Variants in TXNL4A observed in about 807,000 individuals in gnomAD.
TXNL4A encodes thioredoxin-like protein 4A.
A neutral mutation model predicts 14.6 loss-of-function variants in TXNL4A; 17 were observed. The observed-to-expected ratio is 1.16, with a 90% CI of 0.80 to 1.74. TXNL4A has a LOEUF of 1.74. Ranked by LOEUF, TXNL4A falls within the 40% of genes most tolerant of loss-of-function variation. The probability of loss-of-function intolerance (pLI) is 0.00; values close to 1 mark genes in which losing one functional copy is unlikely to be tolerated. For missense variants in TXNL4A, 74 were observed against 195.2 expected (o/e 0.38, Z 3.70); for synonymous variants, 83 against 70.6 (o/e 1.18, Z -0.88).
At chr18:80,026,858 G>C (rs1268166861) in intron 1 of TXNL4A, among the ~76,000 whole-genome samples, 1 of 152,090 alleles carries the variant, frequency 6.6e-6, no homozygotes, top group Non-Finnish European at 1.5e-5. Context: ...ATTGGAACCA[G>C]AGGACCAAAA....
intron 1 of TXNL4A, among the ~76,000 whole-genome samples, chr18:79,987,027 G>A (rs2051560899): frequency 6.6e-6 from 1 of 152,156 alleles, no homozygotes. Flanking sequence ...AGGAGGAAGA[G>A]GCTGCGAGAT....
In TXNL4A at chr18:80,020,458, G is replaced by C. The variant is rs552223752; in HGVS notation, c.-61+13393C>G. Among the ~76,000 whole-genome samples the C allele has an allele frequency of 3.9e-5, 6 of 152,294 alleles. No individual in the cohort carries two copies. In the South Asian group the frequency reaches 1.2e-3, roughly 32 times the overall value. Reference sequence around the variant, plus strand: ...TATTCCTCATGGCTAACTCAACCATGCAACTGCAACTGCTCAGAGGCAAGC... The same window carrying C: ...TATTCCTCATGGCTAACTCAACCATCCAACTGCAACTGCTCAGAGGCAAGC... On this transcript the variant is annotated intron_variant, in intron 1 of 2. Coordinates refer to the TXNL4A transcript ENST00000585474.
At position 79,982,405 on chromosome 18, in the gene TXNL4A, C is replaced by G. The variant is rs1056890517; in HGVS notation, c.154-4704G>C. Among the ~76,000 whole-genome samples, 3 of 152,172 alleles carry G rather than the reference C, an allele frequency of 2.0e-5. No homozygotes were observed. Among genetic ancestry groups the G allele is most frequent in the African/African-American group, 7.2e-5 (3 of 41,438 alleles). ...AAAGGCCCTCCAGGTAGCGACTGGC[C>G]TGGAGCTGTACAATGGAGTCTGGGC... On this transcript the variant is annotated intron_variant, in intron 1 of 2. Coordinates refer to ENST00000269601, the MANE Select transcript of TXNL4A (RefSeq NM_006701.5). The surrounding 1 kb of genome is among the most constrained non-coding windows in gnomAD (Gnocchi z 4.0).
chr18:80,008,803 A>T (rs1200332944), intron 1 of TXNL4A, among the ~76,000 whole-genome samples: 1 of 152,098 alleles, frequency 6.6e-6, no homozygotes, highest in South Asian at 2.1e-4. Context: ...TTTGAGATGG[A>T]GTCTCGCTCT....
chr18:80,000,411 G>A (rs1365479809), intron 1 of TXNL4A, among the ~76,000 whole-genome samples: 4 of 152,220 alleles, frequency 2.6e-5, no homozygotes, highest in Non-Finnish European at 5.9e-5. Flanking sequence ...CTAGACATCT[G>A]TGAAACTTTG....
At chr18:80,017,135 G>C (rs563698901) in intron 1 of TXNL4A, among the ~76,000 whole-genome samples, 15,326 of 149,352 alleles carry the variant, frequency 0.1, 1,027 homozygotes, top group Middle Eastern at 0.15. Context: ...TTGTGAATGG[G>C]AGTTCACTCA....
At chr18:80,023,565 C>G (rs111511798) in intron 1 of TXNL4A, among the ~76,000 whole-genome samples, 9 of 151,920 alleles carry the variant, frequency 5.9e-5, no homozygotes, top group African/African-American at 2.2e-4. Flanking sequence ...AAAGGAACTG[C>G]TTAAATTTAT....
intron 1 of TXNL4A, among the ~76,000 whole-genome samples, chr18:80,026,803 T>C (rs1444843778): frequency 2.0e-5 from 3 of 152,154 alleles, no homozygotes; most frequent in African/African-American, 7.2e-5. Context: ...TCAACATCCA[T>C]AATGCCGACA....
intron 1 of TXNL4A, among the ~76,000 whole-genome samples, chr18:79,996,058 C>T (rs957943473): frequency 1.2e-4 from 17 of 140,512 alleles, no homozygotes; most frequent in African/African-American, 3.9e-4. Context: ...GAGCCCACAT[C>T]GCGCCACTGC....
upstream of TXNL4A, among the ~76,000 whole-genome samples, chr18:79,992,859 TTGTC>T (rs1359855571): frequency 1.4e-5 from 2 of 144,752 alleles, no homozygotes; most frequent in East Asian, 4.0e-4. Flanking sequence ...TCTGCCCCAT[TTGTC>T]TGTCATCTTA....
chr18:80,026,000 TTA>T (rs1213919598), intron 1 of TXNL4A, among the ~76,000 whole-genome samples: 2 of 152,262 alleles, frequency 1.3e-5, no homozygotes, highest in African/African-American at 4.8e-5. Flanking sequence ...TGCATTAGTT[TTA>T]GATTATTTCA....
At chr18:79,996,103 C>CAAAAAAAAAAAA (rs60443481) in intron 1 of TXNL4A, among the ~76,000 whole-genome samples, 2 of 61,316 alleles carry the variant, frequency 3.3e-5, no homozygotes, top group Non-Finnish European at 5.3e-5. Flanking sequence ...GACTCTGACT[C>CAAAAAAAAAAAA]AAAAAAAAAA....
At chr18:79,988,590 T>TGCGGACGGCATGCGCGC (rs2051596133), upstream of TXNL4A, 19 of 467,044 alleles carry the variant, frequency 4.1e-5, no homozygotes, top group South Asian at 1.6e-3. Context: ...ACGCCGTGCG[T>TGCGGACGGCATGCGCGC]GCTGACGGCA....
intron 1 of TXNL4A, among the ~76,000 whole-genome samples, chr18:80,010,731 G>A (rs1442225109): frequency 2.0e-5 from 3 of 152,242 alleles, no homozygotes; most frequent in South Asian, 2.1e-4. Flanking sequence ...GTGTAGCCAC[G>A]GGCATGTCTC....
At chr18:80,033,147 T>C (rs1236190158) in intron 1 of TXNL4A, among the ~76,000 whole-genome samples, 1 of 152,182 alleles carries the variant, frequency 6.6e-6, no homozygotes, top group Non-Finnish European at 1.5e-5. Flanking sequence ...TGTCTCGTCG[T>C]TTTCTTCGAT....
At chr18:80,007,332 A>T (rs1488856286) in intron 1 of TXNL4A, among the ~76,000 whole-genome samples, 1 of 152,210 alleles carries the variant, frequency 6.6e-6, no homozygotes, top group Non-Finnish European at 1.5e-5. Context: ...AAGGGCTCAC[A>T]ACACTAAAGA....
chr18:80,012,366 G>T (rs2051775774), intron 1 of TXNL4A, among the ~76,000 whole-genome samples: 1 of 152,164 alleles, frequency 6.6e-6, no homozygotes, highest in African/African-American at 2.4e-5. Flanking sequence ...TTCCAGAAAA[G>T]AGGCTAAATT....
At chr18:79,991,365 A>G (rs1216766715), upstream of TXNL4A, among the ~76,000 whole-genome samples, 2 of 152,084 alleles carry the variant, frequency 1.3e-5, no homozygotes, top group African/African-American at 4.8e-5. Flanking sequence ...TTTCATATAG[A>G]TGGAAACACA....
chr18:80,023,437 A>ACT (rs1383798628), intron 1 of TXNL4A, among the ~76,000 whole-genome samples: 1 of 151,482 alleles, frequency 6.6e-6, no homozygotes, highest in African/African-American at 2.4e-5. Context: ...TTACGTAAAA[A>ACT]CTCTGACTCC....
Sources: gnomAD v4.1 joint callset for allele counts (sites outside exome capture counted in the v4.1 genomes callset) on GRCh38, gnomAD v4.1.1 for gene constraint, Gnocchi (gnomAD v3.1) non-coding constraint, MANE v1.5 for transcripts, NCBI Gene and HGNC (gene_info 2026-07-23, HGNC 2026-07-21) for gene names.